Variants in B3GALT1 observed in about 807,000 individuals in gnomAD.
The protein encoded by B3GALT1 is UDP-Gal:betaGlcNAc beta 1,3-galactosyltransferase, polypeptide 1.
In B3GALT1, 10 loss-of-function variants were observed where a neutral mutation model predicts 23.2. That is an observed-to-expected ratio of 0.43 (90% confidence interval 0.27 to 0.73). B3GALT1 has a LOEUF of 0.73. Ranked by LOEUF, B3GALT1 falls within the 30% of genes least tolerant of loss-of-function variation. The pLI is 0.21. For missense variants in B3GALT1, 299 were observed against 405.4 expected (o/e 0.74, Z 2.25); for synonymous variants, 156 against 141.5 (o/e 1.10, Z -0.73).
intron 3 of B3GALT1, among the ~76,000 whole-genome samples, chr2:167,805,022 A>G (rs1688722564): frequency 6.6e-6 from 1 of 152,072 alleles, no homozygotes; most frequent in South Asian, 2.1e-4. Context: ...CACCATTCTA[A>G]CTGGTGTGAG....
intron 2 of B3GALT1, among the ~76,000 whole-genome samples, chr2:167,561,063 T>A (rs1297774830): frequency 6.6e-6 from 1 of 151,856 alleles, no homozygotes; most frequent in Non-Finnish European, 1.5e-5. Context: ...GAAGTAAAGC[T>A]CTCCTCAGCA....
chr2:167,719,649 G>A (rs896986674), intron 3 of B3GALT1, among the ~76,000 whole-genome samples: 7 of 152,138 alleles, frequency 4.6e-5, no homozygotes, highest in African/African-American at 1.7e-4. Flanking sequence ...AGAAAGTGCA[G>A]GGGACTGGGC....
intron 1 of B3GALT1, among the ~76,000 whole-genome samples, chr2:167,377,050 CTTTT>C (rs1041275592): frequency 2.0e-5 from 3 of 151,920 alleles, no homozygotes; most frequent in African/African-American, 7.2e-5. Flanking sequence ...TCTCTGTTTT[CTTTT>C]ATTTCAAAAA....
chr2:167,506,887 T>C (rs527651081), intron 2 of B3GALT1, among the ~76,000 whole-genome samples: 1 of 152,270 alleles, frequency 6.6e-6, no homozygotes, highest in African/African-American at 2.4e-5. Context: ...TTGACTGGAA[T>C]GTAACATGTA....
At chr2:167,430,749 T>C (rs1357299698) in intron 1 of B3GALT1, among the ~76,000 whole-genome samples, 1 of 152,132 alleles carries the variant, frequency 6.6e-6, no homozygotes, top group African/African-American at 2.4e-5. Context: ...GAGCCAGTTT[T>C]GGGGAAATTA....
chr2:167,564,308 G>A (rs1393090763), intron 2 of B3GALT1, among the ~76,000 whole-genome samples: 8 of 151,210 alleles, frequency 5.3e-5, no homozygotes, highest in African/African-American at 4.9e-5. Flanking sequence ...ATGTGATGGC[G>A]GCCGGGAAGA....
intron 3 of B3GALT1, among the ~76,000 whole-genome samples, chr2:167,792,440 C>G (rs1345339580): frequency 6.6e-6 from 1 of 152,116 alleles, no homozygotes; most frequent in African/African-American, 2.4e-5. Context: ...GTAAAGTTAC[C>G]TATAAGATAC....
intron 1 of B3GALT1, among the ~76,000 whole-genome samples, chr2:167,389,131 C>G (rs1697977240): frequency 6.6e-6 from 1 of 152,150 alleles, no homozygotes; most frequent in South Asian, 2.1e-4. Flanking sequence ...AACAACTTGT[C>G]ATAGACTAAA....
intron 1 of B3GALT1, among the ~76,000 whole-genome samples, chr2:167,376,467 G>A (rs2105273124): frequency 6.6e-6 from 1 of 152,244 alleles, no homozygotes; most frequent in East Asian, 1.9e-4. Context: ...AATCCATCTG[G>A]TCCAGGGCTT....
chr2:167,508,125 A>T (rs913792490), intron 2 of B3GALT1, among the ~76,000 whole-genome samples: 3 of 152,180 alleles, frequency 2.0e-5, no homozygotes, highest in Non-Finnish European at 4.4e-5. Context: ...TCAAAGCTCC[A>T]CAACCTAATA....
At chr2:167,534,692 CTGTAAACA>C (rs1384477859) in intron 2 of B3GALT1, among the ~76,000 whole-genome samples, 1 of 152,116 alleles carries the variant, frequency 6.6e-6, no homozygotes, top group Non-Finnish European at 1.5e-5. Context: ...GCAACTATGA[CTGTAAACA>C]TGAAGAGAAA....
chr2:167,326,005 T>A (rs1303293794), intron 1 of B3GALT1, among the ~76,000 whole-genome samples: 1 of 152,048 alleles, frequency 6.6e-6, no homozygotes, highest in Non-Finnish European at 1.5e-5. Context: ...CATGAGCCAG[T>A]GTGCCAGGCC....
chr2:167,520,453 G>C (rs2105360880), intron 2 of B3GALT1, among the ~76,000 whole-genome samples: 1 of 152,286 alleles, frequency 6.6e-6, no homozygotes, highest in South Asian at 2.1e-4. Flanking sequence ...TGTTGTGGTG[G>C]AGAAGGACTC....
At chr2:167,578,006 T>A (rs1684414290) in intron 2 of B3GALT1, among the ~76,000 whole-genome samples, 1 of 151,892 alleles carries the variant, frequency 6.6e-6, no homozygotes. Context: ...AATAAAGCAA[T>A]CAAAAATTTT....
intron 1 of B3GALT1, among the ~76,000 whole-genome samples, chr2:167,471,985 A>G (rs917598820): frequency 6.6e-6 from 1 of 152,166 alleles, no homozygotes; most frequent in African/African-American, 2.4e-5. Flanking sequence ...AAAAGCTCAC[A>G]TTTCTTATAC....
intron 2 of B3GALT1, among the ~76,000 whole-genome samples, chr2:167,567,958 A>G (rs142855578): frequency 3.4e-4 from 52 of 152,226 alleles, no homozygotes; most frequent in African/African-American, 1.2e-3. Context: ...CTTTTCCAGA[A>G]TGTCATATAA....
At chr2:167,469,749 G>A (rs536228506) in intron 1 of B3GALT1, among the ~76,000 whole-genome samples, 26 of 152,116 alleles carry the variant, frequency 1.7e-4, no homozygotes, top group African/African-American at 6.0e-4. Flanking sequence ...ACTGGAAAGC[G>A]GTTTCTAATT....
chr2:167,848,110 C>CA lies in B3GALT1; in HGVS notation c.-229-20693dup, dbSNP rs368525113. ...AAAATGGTAATTTAAATATTACCAA[C>CA]AAAAAAAAGGTCCAGGACCAAATAG... is the stretch of plus-strand genomic sequence containing the variant. On this transcript the variant is annotated intron_variant, in intron 4 of 4. Coordinates refer to ENST00000392690, the MANE Select transcript of B3GALT1 (RefSeq NM_020981.4). Among the ~76,000 whole-genome samples the CA allele has an allele frequency of 4.7e-3, 718 of 151,558 alleles. 7 individuals carry two copies. The highest frequency in any genetic ancestry group is 0.016 in the African/African-American group (673 of 41,374).
At chr2:167,389,376 A>G (rs977262807) in intron 1 of B3GALT1, among the ~76,000 whole-genome samples, 2 of 152,176 alleles carry the variant, frequency 1.3e-5, no homozygotes, top group African/African-American at 4.8e-5. Context: ...GGCCCAGGTG[A>G]TTATTAGTGG....
Sources: gnomAD v4.1 joint callset for allele counts (sites outside exome capture counted in the v4.1 genomes callset) on GRCh38, gnomAD v4.1.1 for gene constraint, MANE v1.5 for transcripts, NCBI Gene and HGNC (gene_info 2026-07-23, HGNC 2026-07-21) for gene names.